PRLR: variants seen among roughly 807,000 people sequenced by gnomAD.
The protein encoded by PRLR is prolactin receptor.
Under a neutral mutation model 40.2 loss-of-function variants are expected in PRLR, and 13 were observed. The observed-to-expected ratio is 0.32, with a 90% CI of 0.21 to 0.51. PRLR has a LOEUF of 0.51. Among genes scored for constraint, PRLR ranks in the 20% least tolerant of loss-of-function variants. The pLI is 0.97. For missense variants in PRLR, 656 were observed against 747.3 expected (o/e 0.88, Z 1.42); for synonymous variants, 269 against 278.7 (o/e 0.97, Z 0.35).
At chr5:35,089,899 A>G (rs995753084) in intron 2 of PRLR, among the ~76,000 whole-genome samples, 2 of 152,204 alleles carry the variant, frequency 1.3e-5, no homozygotes, top group Non-Finnish European at 2.9e-5. Flanking sequence ...CAAGGTAGAG[A>G]GTTCAAGGGG....
At chr5:35,139,166 A>G (rs13181536) in intron 1 of PRLR, among the ~76,000 whole-genome samples, 31,652 of 151,974 alleles carry the variant, frequency 0.21, 5,960 homozygotes, top group African/African-American at 0.5. Flanking sequence ...ATGGAGTCTC[A>G]CTCTGTCATC....
At chr5:35,177,634 A>G (rs1442282600) in intron 1 of PRLR, among the ~76,000 whole-genome samples, 2 of 152,228 alleles carry the variant, frequency 1.3e-5, no homozygotes, top group Non-Finnish European at 1.5e-5. Flanking sequence ...TCTAGTATGT[A>G]TCAGTACTTC....
At chr5:35,211,808 C>T (rs1776175665) in intron 1 of PRLR, among the ~76,000 whole-genome samples, 1 of 152,092 alleles carries the variant, frequency 6.6e-6, no homozygotes. Context: ...ATACCAGATT[C>T]ATAAAATATT....
At position 35,058,494 on chromosome 5, in the gene PRLR, T is replaced by C. The variant is rs143947313; in HGVS notation, c.*6595A>G. ...GCTGACTTTCAAACAACTGTTGGAT[T>C]GTACTTTAAATGTGTAACACCCCAG... On this transcript the variant is annotated 3_prime_UTR_variant, in exon 10 of 10. Transcript: ENST00000618457. 1.1e-4 allele frequency: 16 copies of C among 152,348 alleles called. No individual in the cohort carries two copies. The highest frequency in any genetic ancestry group is 3.1e-4 in the African/African-American group (13 of 41,588). The allele number at this position is 152,348 out of a possible 1,614,324, so 9.4% of individuals were successfully genotyped here.
chr5:35,146,963 A>C (rs769661979), intron 1 of PRLR, among the ~76,000 whole-genome samples: 1 of 151,946 alleles, frequency 6.6e-6, no homozygotes, highest in Non-Finnish European at 1.5e-5. Context: ...ACACACATAC[A>C]CACACACACA....
intron 2 of PRLR, among the ~76,000 whole-genome samples, chr5:35,116,821 T>C (rs1373339609): frequency 6.6e-6 from 1 of 152,208 alleles, no homozygotes; most frequent in African/African-American, 2.4e-5. Flanking sequence ...GCTAATGTTA[T>C]TGTGAACACT....
intron 2 of PRLR, among the ~76,000 whole-genome samples, chr5:35,094,964 A>G (rs1157195518): frequency 6.6e-6 from 1 of 150,872 alleles, no homozygotes; most frequent in Non-Finnish European, 1.5e-5. Context: ...AGTAGTGGGG[A>G]CTAGAGGCAC....
rs1422663774 is a variant in PRLR, at chr5:35,058,308, TTA to T, written c.*6779_*6780del. The T allele has an allele frequency of 2.5e-4, 38 of 152,204 alleles. No individual in the cohort carries two copies. The highest frequency in any genetic ancestry group is 8.4e-4 in the African/African-American group (35 of 41,442). 9.4% of individuals were successfully genotyped at this position (152,204 alleles called of 1,614,324 possible). On this transcript the variant is annotated 3_prime_UTR_variant, in exon 10 of 10. Coordinates refer to ENST00000618457, the MANE Select transcript of PRLR (RefSeq NM_000949.7). ...TGTATAACTTCACTTCAATATGGCTTTACAGAAGACACAGTCACCCAACAGGC... is the reference window on the plus strand; with the variant it reads ...TGTATAACTTCACTTCAATATGGCTTCAGAAGACACAGTCACCCAACAGGC...
At chr5:35,183,693 C>T (rs1468037579) in intron 1 of PRLR, among the ~76,000 whole-genome samples, 1 of 152,128 alleles carries the variant, frequency 6.6e-6, no homozygotes, top group African/African-American at 2.4e-5. Context: ...TCACAGAGCT[C>T]CAGTGAAATC....
At chr5:35,129,958 G>A (rs554883460) in intron 1 of PRLR, among the ~76,000 whole-genome samples, 5 of 152,206 alleles carry the variant, frequency 3.3e-5, no homozygotes, top group South Asian at 2.1e-4. Context: ...TGGGCATGTC[G>A]CAAGCCTGTC....
At chr5:35,195,886 G>C (rs1454284662) in intron 1 of PRLR, among the ~76,000 whole-genome samples, 2 of 152,118 alleles carry the variant, frequency 1.3e-5, no homozygotes, top group African/African-American at 4.8e-5. Flanking sequence ...TGTCTATTGG[G>C]TTTGGCTGGG....
At chr5:35,086,619 C>A (rs1561284014) in intron 3 of PRLR, among the ~76,000 whole-genome samples, 1 of 151,592 alleles carries the variant, frequency 6.6e-6, no homozygotes, top group Non-Finnish European at 1.5e-5. Flanking sequence ...ATAACAATAG[C>A]CTAGTGACCA....
At chr5:35,140,568 CTG>C (rs1322660162) in intron 1 of PRLR, among the ~76,000 whole-genome samples, 1 of 152,222 alleles carries the variant, frequency 6.6e-6, no homozygotes, top group African/African-American at 2.4e-5. Flanking sequence ...AACACTTACT[CTG>C]TGTGAATCTT....
chr5:35,186,736 A>G (rs1196687335), intron 1 of PRLR, among the ~76,000 whole-genome samples: 2 of 152,154 alleles, frequency 1.3e-5, no homozygotes, highest in Non-Finnish European at 2.9e-5. Flanking sequence ...TGGCTAACTC[A>G]TTTTGCTCCA....
chr5:35,199,057 C>T (rs959091328), intron 1 of PRLR, among the ~76,000 whole-genome samples: 2 of 152,188 alleles, frequency 1.3e-5, no homozygotes, highest in African/African-American at 4.8e-5. Context: ...TGGCAGGAAG[C>T]TCTTGCAGGG....
intron 1 of PRLR, among the ~76,000 whole-genome samples, chr5:35,129,621 A>C (rs1226981680): frequency 6.6e-6 from 1 of 152,072 alleles, no homozygotes; most frequent in Non-Finnish European, 1.5e-5. Flanking sequence ...CCTCTCTATC[A>C]TTCAGAAACA....
At chr5:35,199,409 T>G (rs1197048177) in intron 1 of PRLR, among the ~76,000 whole-genome samples, 1 of 152,206 alleles carries the variant, frequency 6.6e-6, no homozygotes. Context: ...TGATCTACTT[T>G]ATGATGCTAC....
chr5:35,211,515 C>T (rs1437736444), intron 1 of PRLR, among the ~76,000 whole-genome samples: 1 of 152,094 alleles, frequency 6.6e-6, no homozygotes, highest in Non-Finnish European at 1.5e-5. Flanking sequence ...ATGGTTAATA[C>T]GAAGACAGAT....
chr5:35,190,843 C>T (rs1397126643), intron 1 of PRLR, among the ~76,000 whole-genome samples: 2 of 152,054 alleles, frequency 1.3e-5, no homozygotes, highest in Admixed American at 1.3e-4. Context: ...CCAACAGAGG[C>T]TCTGGGGAAG....
Sources: allele counts gnomAD v4.1 joint callset (sites outside exome capture counted in the v4.1 genomes callset), GRCh38; gene constraint gnomAD v4.1.1; transcripts MANE v1.5; gene names NCBI Gene and HGNC (gene_info 2026-07-23, HGNC 2026-07-21).